Variants in DOK5 observed in about 807,000 individuals in gnomAD.
DOK5 encodes the protein downstream of tyrosine kinase 5.
DOK5 carries 27 observed loss-of-function variants against 43.3 expected under a neutral mutation model. That is an observed-to-expected ratio of 0.62 (90% CI 0.46 to 0.86). DOK5 has a LOEUF of 0.86. Ranked by LOEUF, DOK5 falls within the 40% of genes least tolerant of loss-of-function variation. DOK5 has a pLI of 0.00. For synonymous variants in DOK5, 146 were observed against 140.1 expected, an observed-to-expected ratio of 1.04 and a Z score of -0.30; for missense variants, 373 against 392.9, an observed-to-expected ratio of 0.95 and a Z score of 0.43.
At chr20:54,499,830 A>C (rs916913465) in intron 1 of DOK5, among the ~76,000 whole-genome samples, 1 of 152,192 alleles carries the variant, frequency 6.6e-6, no homozygotes, top group African/African-American at 2.4e-5. Flanking sequence ...CTCATTTTAC[A>C]GGTAAAGAAG....
chr20:54,488,915 T>C (rs1043882602), intron 1 of DOK5, among the ~76,000 whole-genome samples: 4 of 152,152 alleles, frequency 2.6e-5, no homozygotes, highest in Admixed American at 6.5e-5. Context: ...CCAGGGACTT[T>C]GGCTATCTTG....
At chr20:54,602,799 G>T (rs891276273) in intron 5 of DOK5, among the ~76,000 whole-genome samples, 1 of 151,894 alleles carries the variant, frequency 6.6e-6, no homozygotes, top group Non-Finnish European at 1.5e-5. Flanking sequence ...TCAGCCTCCC[G>T]AGTAGCTGGG....
chr20:54,579,942 C>T (rs1311924719), intron 2 of DOK5, among the ~76,000 whole-genome samples: 1 of 152,044 alleles, frequency 6.6e-6, no homozygotes, highest in Non-Finnish European at 1.5e-5. Flanking sequence ...CCCTCCATCC[C>T]CCGACAGGCC....
At chr20:54,509,151 C>T (rs976115276) in intron 1 of DOK5, among the ~76,000 whole-genome samples, 6 of 152,126 alleles carry the variant, frequency 3.9e-5, no homozygotes, top group African/African-American at 1.4e-4. Context: ...GCTGGGATTA[C>T]AGGTGTGAGC....
At chr20:54,619,694 G>A (rs1986923684) in intron 6 of DOK5, among the ~76,000 whole-genome samples, 1 of 152,094 alleles carries the variant, frequency 6.6e-6, no homozygotes, top group Non-Finnish European at 1.5e-5. Context: ...TTTGTTTAAA[G>A]GATTGATTTA....
chr20:54,531,900 A>T (rs1983786405), intron 1 of DOK5, among the ~76,000 whole-genome samples: 1 of 152,238 alleles, frequency 6.6e-6, no homozygotes, highest in South Asian at 2.1e-4. Flanking sequence ...AAGAGAGATA[A>T]TTATACAAAC....
In DOK5 at chr20:54,549,192, A is replaced by G. The variant is rs1243377261; in HGVS notation, c.67-5741A>G. 2.0e-5 allele frequency among the ~76,000 whole-genome samples: 3 copies of G among 152,144 alleles called. No homozygotes were observed. The East Asian group carries it at 5.8e-4, about 29-fold the overall frequency. ...CAAATTACAGATAAAATACCTGAAAACATGGTAAAGAGCAAATTTGTCTGG... is the reference window on the plus strand; with the variant it reads ...CAAATTACAGATAAAATACCTGAAAGCATGGTAAAGAGCAAATTTGTCTGG... On this transcript the variant is annotated intron_variant, in intron 1 of 7. Coordinates refer to ENST00000262593, the MANE Select transcript of DOK5 (RefSeq NM_018431.5).
intron 2 of DOK5, among the ~76,000 whole-genome samples, chr20:54,570,957 T>C (rs943462453): frequency 3.3e-5 from 5 of 152,370 alleles, no homozygotes; most frequent in African/African-American, 7.2e-5. Context: ...AATTGTTGGC[T>C]GTTAAACATT....
chr20:54,505,275 T>C (rs1982762701), intron 1 of DOK5, among the ~76,000 whole-genome samples: 1 of 152,088 alleles, frequency 6.6e-6, no homozygotes. Flanking sequence ...GCAAATAAAC[T>C]TTCACGGGAA....
At chr20:54,496,794 A>C (rs1317249060) in intron 1 of DOK5, among the ~76,000 whole-genome samples, 2 of 151,784 alleles carry the variant, frequency 1.3e-5, no homozygotes, top group African/African-American at 2.4e-5. Flanking sequence ...AAAGAAAAAA[A>C]TGAACCAGCA....
intron 5 of DOK5, among the ~76,000 whole-genome samples, chr20:54,605,969 A>G (rs750276996): frequency 3.9e-5 from 6 of 152,256 alleles, no homozygotes; most frequent in Non-Finnish European, 5.9e-5. Flanking sequence ...TAGGCAGGTT[A>G]GATAGCTGAC....
chr20:54,588,219 C>T (rs1985870696), intron 2 of DOK5, among the ~76,000 whole-genome samples: 1 of 152,136 alleles, frequency 6.6e-6, no homozygotes, highest in African/African-American at 2.4e-5. Flanking sequence ...AAATGTTCTA[C>T]CTCTGTGAAG....
intron 6 of DOK5, among the ~76,000 whole-genome samples, chr20:54,627,363 A>G (rs1978343761): frequency 6.6e-6 from 1 of 152,178 alleles, no homozygotes; most frequent in Non-Finnish European, 1.5e-5. Flanking sequence ...AAATATTTAA[A>G]TCAGTGTTGC....
Position 54,558,472 on chromosome 20 carries a change from C to G in DOK5, c.174+3432C>G, listed in dbSNP as rs142128048. 1.3e-3 allele frequency among the ~76,000 whole-genome samples: 196 copies of G among 152,148 alleles called. 1 individual carries two copies. Among genetic ancestry groups the G allele is most frequent in the African/African-American group, 4.5e-3 (187 of 41,506 alleles). On this transcript the variant is annotated intron_variant, in intron 2 of 7. Coordinates refer to ENST00000262593, the MANE Select transcript of DOK5 (RefSeq NM_018431.5). ...GATGAATTCCTGTAGCTGATTCATC[C>G]TCTACTCTTTTAGATCTGATACATT...
In DOK5 at chr20:54,598,650, G is replaced by A. The variant is rs77933494; in HGVS notation, c.599+6845G>A. Among the ~76,000 whole-genome samples the A allele has an allele frequency of 4.7e-3, 710 of 152,338 alleles. 4 individuals carry two copies. The highest frequency in any genetic ancestry group is 0.016 in the African/African-American group (672 of 41,574). ...AAGCTCAGGTGACATTTGGCAGAAC[G>A]TACTAAATAATTACCGCACATGAGT... On this transcript the variant is annotated intron_variant, in intron 5 of 7. Transcript: ENST00000262593.
intron 6 of DOK5, among the ~76,000 whole-genome samples, chr20:54,624,293 C>T (rs1413235439): frequency 6.6e-6 from 1 of 152,148 alleles, no homozygotes; most frequent in Non-Finnish European, 1.5e-5. Flanking sequence ...GAGTGTGAGC[C>T]TAGTGTTTAA....
chr20:54,645,614 T>C (rs975431166), intron 7 of DOK5, among the ~76,000 whole-genome samples: 3 of 152,082 alleles, frequency 2.0e-5, no homozygotes, highest in African/African-American at 7.2e-5. Context: ...CAGGACTTTC[T>C]TGTAACTGGA....
chr20:54,605,677 G>C (rs1056450567), intron 5 of DOK5, among the ~76,000 whole-genome samples: 9 of 152,226 alleles, frequency 5.9e-5, no homozygotes, highest in Admixed American at 6.5e-5. Flanking sequence ...CAGGTTCCCG[G>C]TGATGCTTTT....
intron 2 of DOK5, among the ~76,000 whole-genome samples, chr20:54,564,589 G>A (rs1314613623): frequency 6.6e-6 from 1 of 151,948 alleles, no homozygotes; most frequent in Non-Finnish European, 1.5e-5. Context: ...AGAATGACAG[G>A]TTTCAAAGAA....
Sources: allele counts gnomAD v4.1 joint callset (sites outside exome capture counted in the v4.1 genomes callset), GRCh38; gene constraint gnomAD v4.1.1; transcripts MANE v1.5; gene names NCBI Gene and HGNC (gene_info 2026-07-23, HGNC 2026-07-21).